The following WAPL variants were observed in gnomAD, a reference collection of about 807,000 sequenced individuals.
WAPL encodes the protein wings apart-like protein homolog.
A neutral mutation model predicts 121.0 loss-of-function variants in WAPL; 5 were observed. The observed-to-expected ratio is 0.04, with a 90% CI of 0.02 to 0.09. The LOEUF is 0.09. Ranked by LOEUF, WAPL falls within the 10% of genes least tolerant of loss-of-function variation. The pLI is 1.00. For synonymous variants in WAPL, 480 were observed against 481.5 expected (o/e 1.00, Z 0.04); for missense variants, 999 against 1,410.8 (o/e 0.71, Z 4.68).
chr10:86,464,185 A>G (rs1391342042), intron 9 of WAPL, among the ~76,000 whole-genome samples: 1 of 152,258 alleles, frequency 6.6e-6, no homozygotes, highest in African/African-American at 2.4e-5. Flanking sequence ...TCTACTGTAC[A>G]ATTTAAAACA....
rs143872928 is a variant in WAPL, at chr10:86,453,286, C to T, written c.2883G>A (p.Ala961=). ...TGEQDGLIGT[A]LNCVLQVPKY... is the part of the protein sequence containing the mutation. Reference sequence around the variant, plus strand: ...TTGGAACCTGAAGCACACAGTTCAGCGCTGTGCCTATGAGACCGTCCTGCT... The same window carrying T: ...TTGGAACCTGAAGCACACAGTTCAGTGCTGTGCCTATGAGACCGTCCTGCT... Residue 961 remains alanine, a synonymous_variant, in exon 14 of 19, where the codon GCG becomes GCA. Transcript: ENST00000298767. 79 of 1,614,000 alleles carry T rather than the reference C, an allele frequency of 4.9e-5. No individual in the cohort carries two copies. Among genetic ancestry groups the T allele is most frequent in the Middle Eastern group, 1.6e-4 (1 of 6,084 alleles).
chr10:86,507,649 T>G (rs118129177), intron 2 of WAPL, among the ~76,000 whole-genome samples: 1 of 152,044 alleles, frequency 6.6e-6, no homozygotes, highest in Non-Finnish European at 1.5e-5. Flanking sequence ...CAGTTCTCAG[T>G]TGCATCCAGA....
chr10:86,504,880 A>G (rs1189591779), intron 2 of WAPL, among the ~76,000 whole-genome samples: 1 of 152,174 alleles, frequency 6.6e-6, no homozygotes, highest in African/African-American at 2.4e-5. Context: ...TTTTTTGTCC[A>G]AAACCTTTAT....
intron 4 of WAPL, among the ~76,000 whole-genome samples, chr10:86,484,270 A>C (rs1273594200): frequency 6.6e-6 from 1 of 152,144 alleles, no homozygotes; most frequent in Non-Finnish European, 1.5e-5. Context: ...CCAAGCTGGG[A>C]GGATTGCTTG....
intron 4 of WAPL, among the ~76,000 whole-genome samples, chr10:86,490,973 G>C (rs1406838817): frequency 6.6e-6 from 1 of 151,568 alleles, no homozygotes; most frequent in African/African-American, 2.4e-5. Flanking sequence ...TGAGGCAGGA[G>C]AAGCACTTGA....
chr10:86,487,697 T>C (rs1328672929), intron 4 of WAPL, among the ~76,000 whole-genome samples: 1 of 152,218 alleles, frequency 6.6e-6, no homozygotes, highest in East Asian at 1.9e-4. Flanking sequence ...AAGACCATCC[T>C]GGCTAACACG....
chr10:86,460,564 T>A, intron 10 of WAPL, 68 bp from the exon 11 acceptor site: 1 of 1,343,450 alleles, frequency 7.4e-7, no homozygotes. Flanking sequence ...TACTTTTAGC[T>A]AACATTAGAA....
At chr10:86,504,897 T>C (rs1842314622) in intron 2 of WAPL, among the ~76,000 whole-genome samples, 1 of 152,104 alleles carries the variant, frequency 6.6e-6, no homozygotes, top group Non-Finnish European at 1.5e-5. Context: ...TTATATACTT[T>C]AGCAATAACA....
chr10:86,455,742 C>G (rs1416388265), intron 12 of WAPL, among the ~76,000 whole-genome samples: 5 of 147,816 alleles, frequency 3.4e-5, no homozygotes, highest in Non-Finnish European at 7.5e-5. Flanking sequence ...TAAAAATTTG[C>G]TAGCAGGGTG....
Position 86,500,614 on chromosome 10 carries a change from G to C in WAPL, c.629C>G (p.Thr210Ser), listed in dbSNP as rs1013786030. 3.1e-6 allele frequency: 5 copies of C among 1,614,120 alleles called. No individual in the cohort carries two copies. The highest frequency in any genetic ancestry group is 4.2e-6 in the Non-Finnish European group (5 of 1,180,012). The change falls in exon 3 of 19, where the codon ACT (threonine) becomes AGT (serine). Residue 210 changes from threonine (T) to serine (S), a missense_variant. This residue lies in a region of WAPL where 531 missense variants were observed against 563.1 expected (regional missense o/e 0.94). Coordinates refer to ENST00000298767, the MANE Select transcript of WAPL (RefSeq NM_015045.5). ...VASEIKETND[T>S]WNSQFGKRPE... ...CCTTTTCCCAAACTGGGAGTTCCAA[G>C]TATCATTTGTTTCCTTGATTTCAGA...
chr10:86,479,257 G>A lies in WAPL; in HGVS notation c.1645-5284C>T, dbSNP rs187454922. Among the ~76,000 whole-genome samples, 336 of 152,260 alleles carry A rather than the reference G, an allele frequency of 2.2e-3. 8 individuals carry two copies. The highest frequency in any genetic ancestry group is 0.019 in the Admixed American group (298 of 15,286). ...AAAGGAATGGGTTTCTTTTGTTCTTGTTTTGTTTTGTTTTTGAGACAAAGT... is the reference window on the plus strand; with the variant it reads ...AAAGGAATGGGTTTCTTTTGTTCTTATTTTGTTTTGTTTTTGAGACAAAGT... On this transcript the variant is annotated intron_variant, in intron 4 of 18. Transcript: ENST00000298767.
chr10:86,500,330 A>G lies in WAPL; in HGVS notation c.913T>C (p.Ser305Pro). Residue 305 changes from serine (S) to proline (P), a missense_variant, in exon 3 of 19, where the codon TCC becomes CCC. Ser to Pro is a moderately conservative substitution (Grantham distance 74). Transcript: ENST00000298767. ...TYCRANKTKSSQGASNFDKLM... is the reference protein window; with the variant it reads ...TYCRANKTKSPQGASNFDKLM... ...TTATCAAAATTTGATGCTCCTTGGG[A>G]GGATTTCGTTTTATTGGCCCTACAG... is the stretch of plus-strand genomic sequence containing the variant. The G allele has an allele frequency of 6.2e-7, 1 of 1,614,132 alleles. No individual in the cohort carries two copies. Among genetic ancestry groups the G allele is most frequent in the South Asian group, 1.1e-5 (1 of 91,080 alleles).
intron 4 of WAPL, among the ~76,000 whole-genome samples, chr10:86,490,922 G>C (rs1842033045): frequency 6.6e-6 from 1 of 151,520 alleles, no homozygotes; most frequent in Admixed American, 6.6e-5. Flanking sequence ...AATTAGCTGG[G>C]CATGGTGGTG....
At chr10:86,476,781 G>C (rs1007525622) in intron 4 of WAPL, among the ~76,000 whole-genome samples, 1 of 151,558 alleles carries the variant, frequency 6.6e-6, no homozygotes, top group Non-Finnish European at 1.5e-5. Context: ...TAACACATTC[G>C]TAAGAAAACA....
At chr10:86,487,126 A>T (rs1361005181) in intron 4 of WAPL, among the ~76,000 whole-genome samples, 2 of 152,086 alleles carry the variant, frequency 1.3e-5, no homozygotes, top group Non-Finnish European at 2.9e-5. Flanking sequence ...CTGTACAGTC[A>T]GCCTGACTAT....
intron 2 of WAPL, among the ~76,000 whole-genome samples, chr10:86,508,787 C>T (rs1212108337): frequency 8.7e-6 from 1 of 115,570 alleles, no homozygotes; most frequent in Non-Finnish European, 1.6e-5. Flanking sequence ...GAGACAGAGT[C>T]TCTGTCACCC....
At chr10:86,438,706 G>T (rs1374892243) in intron 17 of WAPL, among the ~76,000 whole-genome samples, 1 of 152,194 alleles carries the variant, frequency 6.6e-6, no homozygotes, top group Non-Finnish European at 1.5e-5. Context: ...GAAATAAAAA[G>T]ATCAAAGAAA....
At chr10:86,518,785 A>G (rs1394692819) in intron 1 of WAPL, among the ~76,000 whole-genome samples, 1 of 152,220 alleles carries the variant, frequency 6.6e-6, no homozygotes, top group Non-Finnish European at 1.5e-5. Flanking sequence ...GCACTAATTC[A>G]CATGAGAAAA....
chr10:86,451,697 C>T (rs1346680828), intron 15 of WAPL, among the ~76,000 whole-genome samples: 4 of 152,064 alleles, frequency 2.6e-5, no homozygotes, highest in Non-Finnish European at 4.4e-5. Context: ...CCAGCCTATA[C>T]CACATTTTTA....
Sources: allele counts gnomAD v4.1 joint callset (sites outside exome capture counted in the v4.1 genomes callset), GRCh38; gene constraint gnomAD v4.1.1; regional missense constraint gnomAD v4.1.1; transcripts MANE v1.5; gene names NCBI Gene and HGNC (gene_info 2026-07-23, HGNC 2026-07-21).